The following IL23R variants were observed in gnomAD, a reference collection of about 807,000 sequenced individuals.
IL23R encodes interleukin 23 receptor.
Under a neutral mutation model 56.9 loss-of-function variants are expected in IL23R, and 34 were observed. The observed-to-expected ratio is 0.60, with a 90% CI of 0.45 to 0.80. The LOEUF (loss-of-function observed/expected upper bound fraction) is 0.80, where lower values mean the gene tolerates loss of function less well. IL23R is among the 30% of genes least tolerant of loss of function. The pLI is 0.00. For missense variants in IL23R, 635 were observed against 730.0 expected (o/e 0.87, Z 1.50); for synonymous variants, 230 against 249.2 (o/e 0.92, Z 0.73).
intron 4 of IL23R, among the ~76,000 whole-genome samples, chr1:67,191,717 T>G (rs1647761783): frequency 6.6e-6 from 1 of 152,178 alleles, no homozygotes; most frequent in South Asian, 2.1e-4. Context: ...CTGAAACAGC[T>G]CCTGTCAAAG....
the IL23R span, among the ~76,000 whole-genome samples, chr1:67,265,851 A>T: frequency 2.0e-5 from 3 of 152,106 alleles, no homozygotes; most frequent in Non-Finnish European, 4.4e-5. Context: ...CACCAGCTTC[A>T]CAACATACCA....
intron 7 of IL23R, among the ~76,000 whole-genome samples, chr1:67,220,292 C>T (rs1219869038): frequency 6.6e-6 from 1 of 151,770 alleles, no homozygotes; most frequent in Non-Finnish European, 1.5e-5. Context: ...TTGCTTGAAC[C>T]CAAGAAGTGG....
Position 67,198,439 on chromosome 1 carries a change from G to A in IL23R, c.492-2298G>A, listed in dbSNP as rs144131514. On this transcript the variant is annotated intron_variant, in intron 4 of 10. Transcript: ENST00000347310. ...ACTCTGGCATTAACAGATATCATTCGGAATTCTACCAAGTTTATTGGGCTA... is the reference window on the plus strand; with the variant it reads ...ACTCTGGCATTAACAGATATCATTCAGAATTCTACCAAGTTTATTGGGCTA... Among the ~76,000 whole-genome samples the A allele has an allele frequency of 1.6e-4, 24 of 152,272 alleles. 1 individual carries two copies. Among genetic ancestry groups the A allele is most frequent in the East Asian group, 1.3e-3 (7 of 5,186 alleles).
rs566258878 is a variant in IL23R at position 67,200,347 on chromosome 1, T to A, written c.492-390T>A. ...GTGAGCCATAAATTCTAATTTTTTTTAAAAAGGTAACATTTTAAAAATCTG... is the reference window on the plus strand; with the variant it reads ...GTGAGCCATAAATTCTAATTTTTTTAAAAAAGGTAACATTTTAAAAATCTG... On this transcript the variant is annotated intron_variant, in intron 4 of 10. Coordinates refer to ENST00000347310, the MANE Select transcript of IL23R (RefSeq NM_144701.3). Among the ~76,000 whole-genome samples the A allele has an allele frequency of 6.1e-4, 93 of 152,134 alleles. No individual in the cohort carries two copies. In the Middle Eastern group the frequency reaches 0.01, roughly 17 times the overall value.
intron 1 of IL23R, among the ~76,000 whole-genome samples, chr1:67,167,229 C>G (rs1167406842): frequency 1.3e-5 from 2 of 152,142 alleles, no homozygotes; most frequent in Non-Finnish European, 2.9e-5. Context: ...TGCCACCACA[C>G]TGGGCTAATT....
intron 4 of IL23R, among the ~76,000 whole-genome samples, chr1:67,190,296 A>T (rs1327772728): frequency 6.6e-6 from 1 of 152,128 alleles, no homozygotes; most frequent in Admixed American, 6.5e-5. Flanking sequence ...TGTAAAGTAG[A>T]ATTTTGTCTG....
chr1:67,263,817 T>C (rs184187539), downstream of IL23R, among the ~76,000 whole-genome samples: 2 of 151,584 alleles, frequency 1.3e-5, no homozygotes, highest in East Asian at 3.9e-4. Flanking sequence ...TGAGCCAAGA[T>C]TGTGCCACTG....
chr1:67,185,243 T>C (rs1187387341), intron 4 of IL23R, among the ~76,000 whole-genome samples: 1 of 152,210 alleles, frequency 6.6e-6, no homozygotes, highest in Non-Finnish European at 1.5e-5. Context: ...ACCACACAGC[T>C]GCAGAGAAGG....
chr1:67,191,290 A>C (rs1647721260), intron 4 of IL23R, among the ~76,000 whole-genome samples: 1 of 152,220 alleles, frequency 6.6e-6, no homozygotes, highest in South Asian at 2.1e-4. Flanking sequence ...AAACAGAAGC[A>C]ATGAGAAATA....
upstream of IL23R, among the ~76,000 whole-genome samples, chr1:67,161,908 G>C (rs1485249748): frequency 6.6e-6 from 1 of 151,944 alleles, no homozygotes; most frequent in East Asian, 1.9e-4. Context: ...TTACAGGCGT[G>C]AGCCACCATT....
chr1:67,204,216 ACC>A (rs1478265748), intron 5 of IL23R, among the ~76,000 whole-genome samples: 4 of 152,078 alleles, frequency 2.6e-5, no homozygotes, highest in Non-Finnish European at 5.9e-5. Flanking sequence ...GGCGCCAGCC[ACC>A]TCGCCCCGCT....
At chr1:67,206,311 C>CCTTTCTTT (rs1649053226) in intron 5 of IL23R, among the ~76,000 whole-genome samples, 1 of 152,006 alleles carries the variant, frequency 6.6e-6, no homozygotes, top group Non-Finnish European at 1.5e-5. Flanking sequence ...CCATGCCCAG[C>CCTTTCTTT]CTTTCTTTCT....
intron 4 of IL23R, 72 bp from the exon 5 acceptor site, chr1:67,200,665 G>A (rs1466739948): frequency 2.0e-6 from 3 of 1,499,994 alleles, no homozygotes; most frequent in Non-Finnish European, 2.8e-6. Flanking sequence ...GATTACAGGT[G>A]TGAGCCACCA....
At chr1:67,193,682 T>C (rs1230382151) in intron 4 of IL23R, among the ~76,000 whole-genome samples, 1 of 152,230 alleles carries the variant, frequency 6.6e-6, no homozygotes, top group African/African-American at 2.4e-5. Context: ...ATGTAAAAGA[T>C]AGAGGAAAAA....
chr1:67,170,495 G>A (rs906694618), intron 3 of IL23R, among the ~76,000 whole-genome samples: 2 of 151,808 alleles, frequency 1.3e-5, no homozygotes, highest in Admixed American at 6.6e-5. Context: ...AAAAATATAC[G>A]CTAAATTCAA....
intron 1 of IL23R, among the ~76,000 whole-genome samples, chr1:67,150,227 C>A (rs569278285): frequency 6.9e-6 from 1 of 145,008 alleles, no homozygotes; most frequent in Admixed American, 6.9e-5. Context: ...AACATCTTAT[C>A]TAGATAACAG....
At position 67,227,940 on chromosome 1, in the gene IL23R, A is replaced by ATCTT. The variant is rs746969384; in HGVS notation, c.955+8287_955+8290dup. Among the ~76,000 whole-genome samples, 169 of 37,412 alleles carry ATCTT rather than the reference A, an allele frequency of 4.5e-3. 7 individuals are homozygous for ATCTT. Among genetic ancestry groups the ATCTT allele is most frequent in the South Asian group, 0.01 (5 of 498 alleles). 24.5% of individuals were successfully genotyped at this position (37,412 alleles called of 152,430 possible). On this transcript the variant is annotated intron_variant, in intron 7 of 10. Transcript: ENST00000347310. The stretch of plus-strand genomic sequence containing the variant: ...TGCAACCTATTACTACAGAACAAAG[A>ATCTT]TCTTTCTTTCTTTCTTTCTTTCTTT...
intron 3 of IL23R, among the ~76,000 whole-genome samples, chr1:67,178,801 T>C (rs1359914681): frequency 1.3e-5 from 2 of 152,244 alleles, no homozygotes; most frequent in Admixed American, 1.3e-4. Context: ...CACTAATACC[T>C]AATTTATTGA....
intron 9 of IL23R, among the ~76,000 whole-genome samples, chr1:67,250,367 A>G (rs1409049938): frequency 2.6e-5 from 4 of 152,324 alleles, no homozygotes; most frequent in South Asian, 2.1e-4. Context: ...AGAATTTACC[A>G]TACAACTTTC....
Sources: allele counts gnomAD v4.1 joint callset (sites outside exome capture counted in the v4.1 genomes callset), GRCh38; gene constraint gnomAD v4.1.1; transcripts MANE v1.5; gene names NCBI Gene and HGNC (gene_info 2026-07-23, HGNC 2026-07-21).